The following DNAH9 variants were observed in gnomAD, a reference collection of about 807,000 sequenced individuals.
The protein encoded by DNAH9 is dynein axonemal heavy chain 9.
DNAH9 carries 345 observed loss-of-function variants against 471.6 expected under a neutral mutation model. That is an observed-to-expected ratio of 0.73 (90% CI 0.67 to 0.80). The LOEUF (loss-of-function observed/expected upper bound fraction) is 0.80. Among genes scored for constraint, DNAH9 ranks in the 30% least tolerant of loss-of-function variants. The pLI is 0.00. For missense variants in DNAH9, 5,407 were observed against 5,609.2 expected, an observed-to-expected ratio of 0.96 and a Z score of 1.15; for synonymous variants, 2,093 against 2,123.6, an observed-to-expected ratio of 0.99 and a Z score of 0.40.
At chr17:11,659,653 C>T (rs1452999164) in intron 14 of DNAH9, among the ~76,000 whole-genome samples, 1 of 152,188 alleles carries the variant, frequency 6.6e-6, no homozygotes, top group African/African-American at 2.4e-5. Flanking sequence ...TATGCTAAAC[C>T]GTCACAGCTA....
At chr17:11,838,692 G>A (rs113823522) in intron 49 of DNAH9, among the ~76,000 whole-genome samples, 1,530 of 152,188 alleles carry the variant, frequency 0.01, 24 homozygotes, top group African/African-American at 0.035. Flanking sequence ...CAGTCCATCC[G>A]TCACCAAGAA....
intron 2 of DNAH9, among the ~76,000 whole-genome samples, chr17:11,609,102 G>T (rs1394449679): frequency 1.3e-5 from 2 of 152,074 alleles, no homozygotes; most frequent in Non-Finnish European, 1.5e-5. Flanking sequence ...ACATGAGCTC[G>T]GTCTGCCACA....
At chr17:11,753,009 C>G in intron 33 of DNAH9, 49 bp downstream of exon 33, 1 of 1,452,936 alleles carries the variant, frequency 6.9e-7, no homozygotes, top group East Asian at 2.4e-5. Context: ...ACCTGTGAAA[C>G]CAGTCACCCA....
In DNAH9 at chr17:11,956,591, TGA is replaced by T. The variant is rs1379885131; in HGVS notation, c.12844-5272_12844-5271del. 4.6e-4 allele frequency among the ~76,000 whole-genome samples: 70 copies of T among 152,148 alleles called. 1 individual carries two copies. Among genetic ancestry groups the T allele is most frequent in the African/African-American group, 1.6e-3 (67 of 41,520 alleles). On this transcript the variant is annotated intron_variant, in intron 67 of 68. Coordinates refer to ENST00000262442, the MANE Select transcript of DNAH9 (RefSeq NM_001372.4). ...CTATATTTTATGTCATAAAGCAATA[TGA>T]GAGGATTAAAATCATACACAGTATA...
chr17:11,651,494 T>A (rs940512659), intron 13 of DNAH9, among the ~76,000 whole-genome samples, 170 bp downstream of exon 13: 1 of 152,048 alleles, frequency 6.6e-6, no homozygotes, highest in Non-Finnish European at 1.5e-5. Context: ...TTGGTATTCC[T>A]TTTTTTCCTT....
Position 11,611,764 on chromosome 17 carries a change from CAGAGATGTTGTTGCAGGTG to C in DNAH9, c.891_904+5del, listed in dbSNP as rs1410409377. On this transcript the variant is annotated splice_donor_variant and splice_donor_region_variant and coding_sequence_variant and intron_variant, in exon 4 of 69. Transcript: ENST00000262442. LOFTEE classifies it high-confidence loss of function. ...ACTTTCCAGCTTTCAAAGCCATGTA[CAGAGATGTTGTTGCAGGTG>C]AGGACCAGCAAGTGTTTTCACAAAT... The C allele has an allele frequency of 6.2e-7, 1 of 1,614,072 alleles. No individual in the cohort carries two copies. The highest frequency in any genetic ancestry group is 8.5e-7 in the Non-Finnish European group (1 of 1,180,002).
At chr17:11,615,440 C>A (rs1438924432) in intron 4 of DNAH9, among the ~76,000 whole-genome samples, 1 of 151,942 alleles carries the variant, frequency 6.6e-6, no homozygotes, top group Non-Finnish European at 1.5e-5. Context: ...CAAAAATTAG[C>A]CAGACATGGT....
At chr17:11,901,101 A>G (rs1315517005) in intron 59 of DNAH9, among the ~76,000 whole-genome samples, 1 of 152,160 alleles carries the variant, frequency 6.6e-6, no homozygotes, top group Non-Finnish European at 1.5e-5. Flanking sequence ...CCAGAAAAGG[A>G]GACTGCTTTG....
intron 57 of DNAH9, among the ~76,000 whole-genome samples, chr17:11,888,232 C>T (rs1382450559): frequency 3.4e-4 from 52 of 152,092 alleles, no homozygotes; most frequent in Admixed American, 3.4e-3. Context: ...GATCCGCCCG[C>T]CTCGGCCTCC....
rs542018916 is a variant in DNAH9 at position 11,865,387 on chromosome 17, C to G, written c.9934-3747C>G. ...GCTTGTAGAGTTTCTGCCGAGAGAT[C>G]CGCTGTTAGTCTGATGGGCTTCCCT... On this transcript the variant is annotated intron_variant, in intron 50 of 68. Transcript: ENST00000262442. Among the ~76,000 whole-genome samples the G allele has an allele frequency of 8.5e-5, 13 of 152,084 alleles. No homozygotes were observed. The East Asian group carries it at 2.5e-3, about 29-fold the overall frequency.
At chr17:11,616,945 C>A (rs1458624888) in intron 4 of DNAH9, among the ~76,000 whole-genome samples, 1 of 152,150 alleles carries the variant, frequency 6.6e-6, no homozygotes, top group Non-Finnish European at 1.5e-5. Flanking sequence ...ATAAAGATTC[C>A]TATTGAACTA....
At chr17:11,867,555 G>T (rs892154167) in intron 50 of DNAH9, among the ~76,000 whole-genome samples, 2 of 152,154 alleles carry the variant, frequency 1.3e-5, no homozygotes, top group African/African-American at 4.8e-5. Flanking sequence ...AACTGTGAAA[G>T]TTTTAACTTT....
At chr17:11,804,519 A>T (rs962026597) in intron 43 of DNAH9, among the ~76,000 whole-genome samples, 4 of 152,344 alleles carry the variant, frequency 2.6e-5, no homozygotes, top group Admixed American at 1.3e-4. Context: ...ATAAACATTT[A>T]AAAATGTTCA....
At chr17:11,666,434 G>A (rs766505836) in intron 15 of DNAH9, among the ~76,000 whole-genome samples, 48 of 152,200 alleles carry the variant, frequency 3.2e-4, no homozygotes, top group South Asian at 8.3e-4. Flanking sequence ...GAGAAGAGAT[G>A]GCAGTCTTTC....
At chr17:11,749,009 G>A (rs1967025346) in intron 32 of DNAH9, among the ~76,000 whole-genome samples, 2 of 147,228 alleles carry the variant, frequency 1.4e-5, no homozygotes, top group Non-Finnish European at 3.0e-5. Context: ...ATTGATCTTA[G>A]TAATTTGCTC....
rs1049628151 is a variant in DNAH9, at chr17:11,937,289, C to T, written c.12490-63C>T. On this transcript the variant is annotated intron_variant, in intron 65 of 68. Transcript: ENST00000262442. The surrounding 1 kb of genome is among the most constrained non-coding windows in gnomAD (Gnocchi z 4.1). ...CATGGACTCCCTGCAGAGGACAAGC[C>T]GGTGTGGGAGATGGGAGGTACGTCC... 15 of 1,545,518 alleles carry T rather than the reference C, an allele frequency of 9.7e-6. No homozygotes were observed. The highest frequency in any genetic ancestry group is 1.8e-5 in the Admixed American group (1 of 54,064).
At chr17:11,737,844 A>G (rs763396322) in intron 28 of DNAH9, among the ~76,000 whole-genome samples, 8 of 152,198 alleles carry the variant, frequency 5.3e-5, no homozygotes, top group Non-Finnish European at 1.0e-4. Context: ...TTCTGGAGGT[A>G]TAGTCTGGGG....
At chr17:11,599,908 T>C (rs2072349075) in intron 1 of DNAH9, among the ~76,000 whole-genome samples, 1 of 152,208 alleles carries the variant, frequency 6.6e-6, no homozygotes, top group Non-Finnish European at 1.5e-5. Context: ...AATTCATATA[T>C]TCAAAATGTT....
chr17:11,864,191 G>C (rs1162530921), intron 50 of DNAH9, among the ~76,000 whole-genome samples: 2 of 144,534 alleles, frequency 1.4e-5, no homozygotes, highest in Non-Finnish European at 3.0e-5. Flanking sequence ...ACACTGCTTT[G>C]AATGTGTCCC....
Sources: allele counts gnomAD v4.1 joint callset (sites outside exome capture counted in the v4.1 genomes callset), GRCh38; gene constraint gnomAD v4.1.1; non-coding constraint Gnocchi (gnomAD v3.1); transcripts MANE v1.5; gene names NCBI Gene and HGNC (gene_info 2026-07-23, HGNC 2026-07-21).